The following ARL5C variants were observed in gnomAD, a reference collection of about 807,000 sequenced individuals.
ARL5C encodes the protein ARF like GTPase 5C.
A neutral mutation model predicts 20.8 loss-of-function variants in ARL5C; 21 were observed. The observed-to-expected ratio is 1.01, with a 90% confidence interval of 0.72 to 1.46. The LOEUF (loss-of-function observed/expected upper bound fraction) is 1.46. Ranked by LOEUF, ARL5C falls within the 40% of genes most tolerant of loss-of-function variation. The pLI, the probability that ARL5C is intolerant of heterozygous loss-of-function variation, is 0.00. For synonymous variants in ARL5C, 71 were observed against 81.6 expected (o/e 0.87, Z 0.70); for missense variants, 199 against 225.1 (o/e 0.88, Z 0.74).
chr17:39,164,993 G>A (rs1456553995), intron 2 of ARL5C, 86 bp downstream of exon 2: 3 of 1,408,800 alleles, frequency 2.1e-6, no homozygotes, highest in Non-Finnish European at 2.9e-6. Context: ...CGGGAACCCA[G>A]GGAAGAGCTC....
At chr17:39,159,023 T>G (rs1305247469) in intron 5 of ARL5C, among the ~76,000 whole-genome samples, 1,257 of 33,816 alleles carry the variant, frequency 0.037, 59 homozygotes, top group African/African-American at 0.17. Context: ...TTATCACTTG[T>G]TTTTTTTTTT....
chr17:39,161,419 C>T (rs511163), intron 3 of ARL5C, 68 bp from the exon 4 acceptor site: 1 of 1,453,910 alleles, frequency 6.9e-7, no homozygotes, highest in Non-Finnish European at 9.4e-7. Context: ...TGCCCTCTTT[C>T]TTTCCCCACT....
chr17:39,160,555 C>T (rs1415028027), intron 5 of ARL5C, 36 bp downstream of exon 5: 1 of 1,548,188 alleles, frequency 6.5e-7, no homozygotes, highest in Non-Finnish European at 8.7e-7. Context: ...ATTGGTTCAG[C>T]CAGGCCCTAG....
At position 39,161,301 on chromosome 17, in the gene ARL5C, AG is replaced by A; in HGVS notation, c.305del (p.Thr102IlefsTer20). 1 of 1,551,812 alleles carries A rather than the reference AG, an allele frequency of 6.4e-7. No individual in the cohort carries two copies. The highest frequency in any genetic ancestry group is 1.2e-5 in the South Asian group (1 of 84,058). The part of the protein sequence containing the change: ...DSTDRDRLLT[T>X]REELYKMLAH... The stretch of plus-strand genomic sequence containing the variant: ...CCAGCATTTTATATAGCTCCTCCCG[AG>A]TGGTCAGCAGCCGATCCCGGTCCGT... On this transcript the variant is annotated frameshift_variant, in exon 4 of 6. Transcript: ENST00000269586. LOFTEE classifies it high-confidence loss of function.
intron 5 of ARL5C, among the ~76,000 whole-genome samples, chr17:39,158,054 C>T (rs539813083): frequency 3.4e-5 from 5 of 147,528 alleles, no homozygotes; most frequent in South Asian, 2.2e-4. Context: ...GCCGAGATCG[C>T]GCCACTGCGC....
Position 39,165,993 on chromosome 17 carries a change from C to T in ARL5C, c.-233G>A. 2 of 572,688 alleles carry T rather than the reference C, an allele frequency of 3.5e-6. No individual in the cohort carries two copies. The highest frequency in any genetic ancestry group is 4.1e-5 in the South Asian group (2 of 48,880). The allele number at this position is 572,688 out of a possible 1,614,324, so 35.5% of individuals were successfully genotyped here. A position where few individuals can be genotyped will look rare whatever the true frequency, so the allele number is the denominator to read the frequency against. ...CTGCCTGTCCCGGGCCCAAGAGGTG[C>T]AAGGAATATGGGGGTTCCAGGCTCC... is the stretch of plus-strand genomic sequence containing the variant. On this transcript the variant is annotated 5_prime_UTR_variant, in exon 1 of 6. Coordinates refer to ENST00000269586, the MANE Select transcript of ARL5C (RefSeq NM_001143968.1).
chr17:39,159,757 T>C (rs2045425490), intron 5 of ARL5C, among the ~76,000 whole-genome samples: 1 of 152,224 alleles, frequency 6.6e-6, no homozygotes, highest in South Asian at 2.1e-4. Flanking sequence ...AAGAAAGATT[T>C]GTGTACTGAA....
In ARL5C at chr17:39,159,019, CTTGTTTTTTTTTTTTTT is replaced by C. The variant is rs1438410121; in HGVS notation, c.491+1555_491+1571del. On this transcript the variant is annotated intron_variant, in intron 5 of 5. Coordinates refer to ENST00000269586, the MANE Select transcript of ARL5C (RefSeq NM_001143968.1). ...TCTTTATTCACCTTATCATTTATCA[CTTGTTTTTTTTTTTTTT>C]TTTTTTTTTTTTTGAGACAGGATCT... is the stretch of plus-strand genomic sequence containing the variant. Among the ~76,000 whole-genome samples the C allele has an allele frequency of 1.3e-4, 8 of 63,960 alleles. 1 individual carries two copies. Among genetic ancestry groups the C allele is most frequent in the African/African-American group, 4.5e-4 (8 of 17,792 alleles). 42.0% of individuals were successfully genotyped at this position (63,960 alleles called of 152,430 possible). A position where few individuals can be genotyped will look rare whatever the true frequency, so the allele number is the denominator to read the frequency against.
intron 1 of ARL5C, 88 bp from the exon 2 acceptor site, chr17:39,165,227 T>C: frequency 7.4e-7 from 1 of 1,356,402 alleles, no homozygotes; most frequent in Admixed American, 2.0e-5. Context: ...AGGAAGGAGA[T>C]AGCGCTCCCC....
At position 39,165,085 on chromosome 17, in the gene ARL5C, T is replaced by C. The variant is rs868432618; in HGVS notation, c.101A>G (p.Tyr34Cys). The stretch of plus-strand genomic sequence containing the variant: ...CCGCCCGAGAGTCACTTACAACCGG[T>C]AGAGAATGGTGGTCTTTCCTTCATT... ...LDNEGKTTIL[Y>C]RFLTNEVVHM... Residue 34 changes from tyrosine (Y) to cysteine (C), a missense_variant, in exon 2 of 6, where the codon TAC (tyrosine) becomes TGC (cysteine). Physicochemically the swap from Tyr to Cys is radical, Grantham distance 194 (BLOSUM62 -2). Transcript: ENST00000269586. The C allele has an allele frequency of 1.9e-6, 3 of 1,550,004 alleles. No individual in the cohort carries two copies. In the African/African-American group the frequency reaches 4.1e-5, roughly 21 times the overall value.
intron 5 of ARL5C, among the ~76,000 whole-genome samples, chr17:39,158,046 C>T (rs1055526373): frequency 6.9e-6 from 1 of 145,370 alleles, no homozygotes; most frequent in Non-Finnish European, 1.5e-5. Flanking sequence ...TGCAGTGAGC[C>T]GAGATCGCGC....
At position 39,166,004 on chromosome 17, in the gene ARL5C, G is replaced by T; in HGVS notation, c.-244C>A. On this transcript the variant is annotated 5_prime_UTR_variant, in exon 1 of 6. Coordinates refer to ENST00000269586, the MANE Select transcript of ARL5C (RefSeq NM_001143968.1). ...GGGCCCAAGAGGTGCAAGGAATATG[G>T]GGGTTCCAGGCTCCAGCCCTCCCCC... The T allele has an allele frequency of 1.8e-6, 1 of 549,466 alleles. No individual in the cohort carries two copies. The highest frequency in any genetic ancestry group is 2.2e-5 in the South Asian group (1 of 45,700). 34.0% of individuals were successfully genotyped at this position (549,466 alleles called of 1,614,324 possible).
chr17:39,165,129 G>T lies in ARL5C; in HGVS notation c.57C>A (p.Val19=). The T allele has an allele frequency of 6.4e-7, 1 of 1,551,582 alleles. No homozygotes were observed. Among genetic ancestry groups the T allele is most frequent in the South Asian group, 1.2e-5 (1 of 84,028 alleles). ...MSIFGNQEHT[V]IIVGLDNEGK... ...CTTCATTGTCCAGTCCCACGATGAT[G>T]ACCGTGTGCTCTGGAAGCGTCGGAG... Residue 19 remains valine (V), a synonymous_variant, in exon 2 of 6, where the codon GTC becomes GTA. Coordinates refer to ENST00000269586, the MANE Select transcript of ARL5C (RefSeq NM_001143968.1).
chr17:39,162,701 C>G lies in ARL5C; in HGVS notation c.255+10G>C. 1 of 1,550,606 alleles carries G rather than the reference C, an allele frequency of 6.4e-7. No homozygotes were observed. Among genetic ancestry groups the G allele is most frequent in the South Asian group, 1.2e-5 (1 of 83,870 alleles). On this transcript the variant is annotated intron_variant, in intron 3 of 5. Coordinates refer to ENST00000269586, the MANE Select transcript of ARL5C (RefSeq NM_001143968.1). ...CCTTGGAGACCCTTCAGCCCTGGTG[C>G]CCTCCTCACCTCAGTGTTGGAGTAG...
chr17:39,159,039 T>G (rs1314232947), intron 5 of ARL5C, among the ~76,000 whole-genome samples: 3 of 129,936 alleles, frequency 2.3e-5, no homozygotes, highest in African/African-American at 2.9e-5. Flanking sequence ...TTTTTTTTTT[T>G]TTTTTTTTTT....
In ARL5C at chr17:39,165,755, T is replaced by C; in HGVS notation, c.6A>G (p.Gly2=). ...TGCTCATTAACTTGGCGATCAGCTG[T>C]CCCATGGCACTTCCCGGGCCGGACA... M[G]QLIAKLMSIF... Residue 2 remains glycine, a synonymous_variant, in exon 1 of 6, where the codon GGA becomes GGG. Coordinates refer to ENST00000269586, the MANE Select transcript of ARL5C (RefSeq NM_001143968.1). 1 of 1,551,842 alleles carries C rather than the reference T, an allele frequency of 6.4e-7. No homozygotes were observed. Among genetic ancestry groups the C allele is most frequent in the Non-Finnish European group, 8.7e-7 (1 of 1,146,992 alleles).
At position 39,160,583 on chromosome 17, in the gene ARL5C, C is replaced by A; in HGVS notation, c.491+8G>T. The A allele has an allele frequency of 6.4e-7, 1 of 1,551,594 alleles. No homozygotes were observed. The highest frequency in any genetic ancestry group is 1.4e-5 in the African/African-American group (1 of 73,162). ...GGCCCTAGAGATCCAGGTAGGGCAG[C>A]CACTAACCCTTCCCTGGTGAGGGCA... is the stretch of plus-strand genomic sequence containing the variant. On this transcript the variant is annotated splice_region_variant and intron_variant, in intron 5 of 5. Transcript: ENST00000269586.
At chr17:39,164,095 T>TGTA (rs896265191) in intron 2 of ARL5C, 4 of 152,112 alleles carry the variant, frequency 2.6e-5, no homozygotes, top group African/African-American at 9.7e-5. Context: ...TTGTTGTTGT[T>TGTA]GTATTTTTAG....
intron 2 of ARL5C, among the ~76,000 whole-genome samples, chr17:39,163,461 G>C (rs1483810454): frequency 2.0e-5 from 3 of 150,000 alleles, no homozygotes; most frequent in Non-Finnish European, 4.4e-5. Flanking sequence ...GCCCAGTCTG[G>C]AGTGTAGGTA....
Sources: gnomAD v4.1 joint callset for allele counts (sites outside exome capture counted in the v4.1 genomes callset) on GRCh38, gnomAD v4.1.1 for gene constraint, MANE v1.5 for transcripts, NCBI Gene and HGNC (gene_info 2026-07-23, HGNC 2026-07-21) for gene names.